The following NRXN1 variants were observed in gnomAD, a reference collection of about 807,000 sequenced individuals.
NRXN1 encodes the protein neurexin 1.
NRXN1 carries 39 observed loss-of-function variants against 150.9 expected under a neutral mutation model. The ratio of observed to expected loss-of-function variants is 0.26; its 90% CI spans 0.20 to 0.34. NRXN1 has a LOEUF of 0.34. NRXN1 is among the 10% of genes least tolerant of loss of function. NRXN1 has a pLI of 1.00. For synonymous variants in NRXN1, 924 were observed against 757.0 expected (o/e 1.22, Z -3.62); for missense variants, 1,815 against 1,949.9 (o/e 0.93, Z 1.30).
chr2:50,845,792 G>C (rs1290942501), intron 5 of NRXN1, among the ~76,000 whole-genome samples: 1 of 152,022 alleles, frequency 6.6e-6, no homozygotes, highest in Non-Finnish European at 1.5e-5. Flanking sequence ...AGATATGTCT[G>C]ATATAAATAT....
chr2:50,855,636 C>T (rs1675164097), intron 5 of NRXN1, among the ~76,000 whole-genome samples: 1 of 151,546 alleles, frequency 6.6e-6, no homozygotes, highest in South Asian at 2.1e-4. Context: ...CAAGATTTGG[C>T]CGAAAGAAAG....
chr2:50,459,009 T>C (rs1223854341), intron 17 of NRXN1, among the ~76,000 whole-genome samples: 4 of 152,160 alleles, frequency 2.6e-5, no homozygotes, highest in African/African-American at 9.7e-5. Context: ...TTAATTATGA[T>C]ATTAGCACTG....
At chr2:49,976,009 G>C (rs893551076) in intron 21 of NRXN1, among the ~76,000 whole-genome samples, 1 of 140,006 alleles carries the variant, frequency 7.1e-6, no homozygotes, top group African/African-American at 2.6e-5. Flanking sequence ...GATTGCATAT[G>C]CGGAAGAATT....
Position 50,552,971 on chromosome 2 carries a change from C to T in NRXN1, c.1375G>A (p.Gly459Arg). 1 of 1,613,528 alleles carries T rather than the reference C, an allele frequency of 6.2e-7. No homozygotes were observed. The highest frequency in any genetic ancestry group is 8.5e-7 in the Non-Finnish European group (1 of 1,179,634). Reference protein sequence around the residue: ...RLELSRLAKQGDPKMKIHGVV... With the variant: ...RLELSRLAKQRDPKMKIHGVV... ...CCATGGATCTTCATCTTAGGATCTC[C>T]TTGCTTGGCAAGTCGAGATAATTCC... The change falls in exon 9 of 23, where the codon GGA becomes AGA. Residue 459 changes from glycine (G) to arginine (R), a missense_variant. By Grantham distance (125) the Gly-to-Arg change is moderately radical. Coordinates refer to ENST00000401669, the MANE Select transcript of NRXN1 (RefSeq NM_001330078.2).
At chr2:50,440,710 CACAA>C (rs1330786390) in intron 17 of NRXN1, among the ~76,000 whole-genome samples, 4 of 152,024 alleles carry the variant, frequency 2.6e-5, no homozygotes, top group African/African-American at 9.7e-5. Context: ...TTAGGATTAT[CACAA>C]ACAATAATCT....
intron 17 of NRXN1, among the ~76,000 whole-genome samples, chr2:50,396,829 A>T (rs139048671): frequency 3.9e-5 from 6 of 152,106 alleles, no homozygotes; most frequent in African/African-American, 1.4e-4. Flanking sequence ...TTAATTTTTT[A>T]AAATATATCT....
At chr2:50,181,233 T>C (rs1477016021) in intron 18 of NRXN1, among the ~76,000 whole-genome samples, 3 of 143,954 alleles carry the variant, frequency 2.1e-5, no homozygotes, top group Non-Finnish European at 4.5e-5. Flanking sequence ...AACAATTTAA[T>C]GGTGAGTTTA....
intron 21 of NRXN1, among the ~76,000 whole-genome samples, chr2:49,945,370 G>T (rs893805587): frequency 6.0e-5 from 9 of 149,784 alleles, no homozygotes; most frequent in Non-Finnish European, 3.0e-5. Context: ...CCTGGTATTT[G>T]ATAATTTGTG....
chr2:50,928,260 C>T (rs1421667579), intron 2 of NRXN1, among the ~76,000 whole-genome samples: 2 of 151,576 alleles, frequency 1.3e-5, no homozygotes, highest in African/African-American at 4.8e-5. Flanking sequence ...ATATATTAAC[C>T]ACTGTTTAAA....
rs2070933570 is a variant in NRXN1 at position 50,278,341 on chromosome 2, G to GTAAATATATATATATAAATAAATATATAT, written c.3365-41372_3365-41371insATATATATTTATTTATATATATATATTTA. 4.4e-5 allele frequency among the ~76,000 whole-genome samples: 6 copies of GTAAATATATATATATAAATAAATATATAT among 135,552 alleles called. No homozygotes were observed. The South Asian group carries it at 1.3e-3, about 30-fold the overall frequency. The allele number at this position is 135,552 out of a possible 152,430, so 88.9% of individuals were successfully genotyped here. ...ATTATATATATATATATTTAGTAGA[G>GTAAATATATATATATAAATAAATATATAT]ATGGGGTTTCACCATGTTAGCCAGG... is the stretch of plus-strand genomic sequence containing the variant. On this transcript the variant is annotated intron_variant, in intron 17 of 22. Transcript: ENST00000401669.
chr2:50,889,817 C>T (rs962485831), intron 5 of NRXN1, among the ~76,000 whole-genome samples: 1 of 151,516 alleles, frequency 6.6e-6, no homozygotes, highest in Admixed American at 6.6e-5. Context: ...AACATAACTG[C>T]ATACAATATA....
intron 18 of NRXN1, among the ~76,000 whole-genome samples, chr2:50,195,613 G>T (rs866981830): frequency 2.6e-5 from 4 of 152,004 alleles, no homozygotes; most frequent in Non-Finnish European, 5.9e-5. Context: ...TTCTCCACTG[G>T]CATTGCTTTT....
At chr2:50,821,741 A>G (rs922994456) in intron 5 of NRXN1, among the ~76,000 whole-genome samples, 1 of 152,188 alleles carries the variant, frequency 6.6e-6, no homozygotes, top group Non-Finnish European at 1.5e-5. Flanking sequence ...GCACACGTGA[A>G]AAAAGAATTT....
chr2:50,805,989 A>G (rs1667459690), intron 5 of NRXN1, among the ~76,000 whole-genome samples: 1 of 152,214 alleles, frequency 6.6e-6, no homozygotes, highest in Non-Finnish European at 1.5e-5. Flanking sequence ...AGACATATTC[A>G]TCCTTTAAGT....
intron 17 of NRXN1, among the ~76,000 whole-genome samples, chr2:50,345,074 A>T (rs1481711878): frequency 1.3e-5 from 2 of 152,206 alleles, no homozygotes; most frequent in East Asian, 3.9e-4. Flanking sequence ...GAAACTCCTT[A>T]TTCTTTCAGA....
intron 17 of NRXN1, among the ~76,000 whole-genome samples, chr2:50,248,543 C>A (rs2066728396): frequency 1.3e-5 from 2 of 152,116 alleles, no homozygotes; most frequent in South Asian, 2.1e-4. Flanking sequence ...TGAACATATT[C>A]TAAAAATGCA....
At chr2:50,227,444 G>A (rs2064505043) in intron 18 of NRXN1, among the ~76,000 whole-genome samples, 2 of 151,942 alleles carry the variant, frequency 1.3e-5, no homozygotes, top group African/African-American at 2.4e-5. Flanking sequence ...GCAGAGCAGT[G>A]GGAGAAAATG....
intron 17 of NRXN1, among the ~76,000 whole-genome samples, chr2:50,382,326 T>G (rs1406839439): frequency 6.6e-6 from 1 of 152,202 alleles, no homozygotes; most frequent in Non-Finnish European, 1.5e-5. Flanking sequence ...ATAAGAATAG[T>G]CTTCTCATAA....
At chr2:50,704,892 T>C (rs1414186509) in intron 5 of NRXN1, among the ~76,000 whole-genome samples, 1 of 152,050 alleles carries the variant, frequency 6.6e-6, no homozygotes, top group Non-Finnish European at 1.5e-5. Flanking sequence ...CATATTTTTC[T>C]CACGAAAACC....
Sources: gnomAD v4.1 joint callset for allele counts (sites outside exome capture counted in the v4.1 genomes callset) on GRCh38, gnomAD v4.1.1 for gene constraint, MANE v1.5 for transcripts, NCBI Gene and HGNC (gene_info 2026-07-23, HGNC 2026-07-21) for gene names.